The following RPS6KA5 variants were observed in gnomAD, a reference collection of about 807,000 sequenced individuals.
The protein encoded by RPS6KA5 is ribosomal protein S6 kinase alpha-5.
RPS6KA5 carries 27 observed loss-of-function variants against 85.5 expected under a neutral mutation model. The observed-to-expected ratio is 0.32, with a 90% CI of 0.23 to 0.44. The LOEUF is 0.44. Among genes scored for constraint, RPS6KA5 ranks in the 20% least tolerant of loss-of-function variants. The pLI is 1.00. For missense variants in RPS6KA5, 811 were observed against 980.9 expected, an observed-to-expected ratio of 0.83 and a Z score of 2.31; for synonymous variants, 334 against 348.2, an observed-to-expected ratio of 0.96 and a Z score of 0.46.
chr14:90,873,551 G>T, intron 16 of RPS6KA5, 81 bp downstream of exon 16: 2 of 1,243,066 alleles, frequency 1.6e-6, no homozygotes, highest in East Asian at 2.4e-5. Flanking sequence ...CAAAGAAAAC[G>T]TATCTGAGGC....
chr14:90,952,414 A>G (rs2038246951), intron 3 of RPS6KA5, among the ~76,000 whole-genome samples: 1 of 152,248 alleles, frequency 6.6e-6, no homozygotes, highest in African/African-American at 2.4e-5. Flanking sequence ...ATGAAGTGTT[A>G]CAACGAATTC....
intron 5 of RPS6KA5, among the ~76,000 whole-genome samples, chr14:90,937,842 T>C (rs2037355949): frequency 6.6e-6 from 1 of 152,098 alleles, no homozygotes; most frequent in African/African-American, 2.4e-5. Flanking sequence ...ACCAGGTCCC[T>C]CCCACAACAT....
intron 7 of RPS6KA5, among the ~76,000 whole-genome samples, chr14:90,909,114 A>G: frequency 6.6e-6 from 1 of 152,250 alleles, no homozygotes; most frequent in East Asian, 1.9e-4. Context: ...CGTCAATCTG[A>G]ACCCTAGACC....
intron 1 of RPS6KA5, among the ~76,000 whole-genome samples, chr14:91,014,962 A>T (rs2041424925): frequency 6.6e-6 from 1 of 152,230 alleles, no homozygotes; most frequent in South Asian, 2.1e-4. Context: ...AATTTGTTGT[A>T]GTCAAATTAT....
At chr14:90,897,333 T>C (rs551055501) in intron 12 of RPS6KA5, among the ~76,000 whole-genome samples, 1 of 152,312 alleles carries the variant, frequency 6.6e-6, no homozygotes, top group Admixed American at 6.5e-5. Flanking sequence ...ATTTTGGACT[T>C]CTGACCTCCA....
At chr14:90,944,582 C>A (rs1461084147) in intron 4 of RPS6KA5, among the ~76,000 whole-genome samples, 1 of 152,120 alleles carries the variant, frequency 6.6e-6, no homozygotes, top group Admixed American at 6.5e-5. Flanking sequence ...ATGGAGAAAC[C>A]CCGACTCTAC....
intron 1 of RPS6KA5, among the ~76,000 whole-genome samples, chr14:91,042,276 C>G (rs536549367): frequency 2.0e-5 from 3 of 151,916 alleles, no homozygotes; most frequent in Non-Finnish European, 4.4e-5. Flanking sequence ...TTTGGGAGGC[C>G]GAGGTGGGTG....
intron 1 of RPS6KA5, among the ~76,000 whole-genome samples, chr14:91,025,682 G>A (rs548183374): frequency 6.3e-4 from 95 of 151,592 alleles, no homozygotes; most frequent in South Asian, 1.5e-3. Flanking sequence ...CAAACAAATC[G>A]TCAAGGCAAA....
chr14:90,900,805 G>T (rs2035123827), intron 9 of RPS6KA5, 69 bp from the exon 10 acceptor site: 2 of 1,355,202 alleles, frequency 1.5e-6, no homozygotes, highest in Non-Finnish European at 2.0e-6. Context: ...AGATTAGATT[G>T]TAATGACTTT....
intron 1 of RPS6KA5, among the ~76,000 whole-genome samples, chr14:91,010,474 T>C (rs1489955014): frequency 6.6e-6 from 1 of 152,158 alleles, no homozygotes; most frequent in Non-Finnish European, 1.5e-5. Context: ...TTCAATAACA[T>C]TGCAAGTCAC....
chr14:90,936,615 C>G (rs906680936), intron 5 of RPS6KA5, among the ~76,000 whole-genome samples: 3 of 152,088 alleles, frequency 2.0e-5, no homozygotes, highest in Non-Finnish European at 2.9e-5. Context: ...ACAAATATCT[C>G]TAGAATACAG....
intron 1 of RPS6KA5, among the ~76,000 whole-genome samples, chr14:91,039,830 T>C (rs962988198): frequency 2.0e-5 from 3 of 152,194 alleles, no homozygotes; most frequent in South Asian, 2.1e-4. Context: ...ACCCATCACA[T>C]AGGTGTGCTG....
At chr14:90,974,155 T>C (rs1421858405) in intron 3 of RPS6KA5, among the ~76,000 whole-genome samples, 3 of 152,030 alleles carry the variant, frequency 2.0e-5, no homozygotes, top group African/African-American at 7.2e-5. Flanking sequence ...AATCTAATCT[T>C]AGAATCACTA....
chr14:90,988,559 G>A (rs12894122), intron 2 of RPS6KA5, among the ~76,000 whole-genome samples: 68,611 of 152,024 alleles, frequency 0.45, 15,944 homozygotes, highest in East Asian at 0.55. Context: ...GCTCACACCT[G>A]TAATCCCAGC....
intron 14 of RPS6KA5, among the ~76,000 whole-genome samples, chr14:90,884,850 G>A (rs1331795356): frequency 6.6e-6 from 1 of 152,102 alleles, no homozygotes; most frequent in African/African-American, 2.4e-5. Context: ...TGGAATTGCT[G>A]GATTATTTGG....
chr14:90,903,386 T>C (rs2035296947), intron 8 of RPS6KA5, among the ~76,000 whole-genome samples: 1 of 152,204 alleles, frequency 6.6e-6, no homozygotes, highest in Admixed American at 6.5e-5. Flanking sequence ...TAAAAGAATG[T>C]TCCTATTTTC....
At chr14:91,019,707 G>A (rs977022434) in intron 1 of RPS6KA5, among the ~76,000 whole-genome samples, 5 of 152,106 alleles carry the variant, frequency 3.3e-5, no homozygotes, top group African/African-American at 1.2e-4. Context: ...CTCTCACAAT[G>A]CTTGGCAGTA....
chr14:90,872,678 T>C (rs2033198570), intron 16 of RPS6KA5, among the ~76,000 whole-genome samples: 1 of 152,190 alleles, frequency 6.6e-6, no homozygotes, highest in African/African-American at 2.4e-5. Flanking sequence ...TGGTTCTGTG[T>C]CTAAGATTTA....
chr14:91,054,152 A>T (rs536478759), intron 1 of RPS6KA5, among the ~76,000 whole-genome samples: 18 of 152,204 alleles, frequency 1.2e-4, no homozygotes, highest in Non-Finnish European at 2.1e-4. Flanking sequence ...CAGAAGAATG[A>T]GTCTGAATCA....
Sources: gnomAD v4.1 joint callset for allele counts (sites outside exome capture counted in the v4.1 genomes callset) on GRCh38, gnomAD v4.1.1 for gene constraint, MANE v1.5 for transcripts, NCBI Gene and HGNC (gene_info 2026-07-23, HGNC 2026-07-21) for gene names.